Variants in KCNIP4 observed in about 807,000 individuals in gnomAD.
KCNIP4 encodes the protein potassium voltage-gated channel interacting protein 4, also known as Kv channel-interacting protein 4.
In KCNIP4, 12 loss-of-function variants were observed where a neutral mutation model predicts 34.0. That is an observed-to-expected ratio of 0.35 (90% CI 0.23 to 0.57). The LOEUF is 0.57. Ranked by LOEUF, KCNIP4 falls within the 20% of genes least tolerant of loss-of-function variation. The pLI is 0.83. For missense variants in KCNIP4, 238 were observed against 311.7 expected, an observed-to-expected ratio of 0.76 and a Z score of 1.78; for synonymous variants, 124 against 102.2, an observed-to-expected ratio of 1.21 and a Z score of -1.29.
intron 1 of KCNIP4, among the ~76,000 whole-genome samples, chr4:21,219,827 T>A (rs1757858945): frequency 6.6e-6 from 1 of 150,706 alleles, no homozygotes; most frequent in Non-Finnish European, 1.5e-5. Context: ...TGATTCCTTT[T>A]AAGAAAAAAA....
Position 20,750,865 on chromosome 4 carries a change from A to G in KCNIP4, c.359-1133T>C, listed in dbSNP as rs146175385. On this transcript the variant is annotated intron_variant, in intron 4 of 8. Coordinates refer to ENST00000382152, the MANE Select transcript of KCNIP4 (RefSeq NM_025221.6). ...TCTGTTTTAAATCTCATCTATTTCT[A>G]TTTTATAACTTTTAACCTTTATTGG... 2.3e-3 allele frequency among the ~76,000 whole-genome samples: 354 copies of G among 152,128 alleles called. 8 individuals carry two copies. In the South Asian group the frequency reaches 0.046, roughly 20 times the overall value.
rs1297422253 is a variant in KCNIP4 at position 21,456,694 on chromosome 4, G to C, written c.61+491877C>G. Among the ~76,000 whole-genome samples, 5 of 128,330 alleles carry C rather than the reference G, an allele frequency of 3.9e-5. 1 individual carries two copies. Among genetic ancestry groups the C allele is most frequent in the African/African-American group, 2.0e-4 (5 of 25,570 alleles). The allele number at this position is 128,330 out of a possible 152,430, so 84.2% of individuals were successfully genotyped here. A position where few individuals can be genotyped will look rare whatever the true frequency, so the allele number is the denominator to read the frequency against. On this transcript the variant is annotated intron_variant, in intron 1 of 8. Transcript: ENST00000382152. ...AGTAAGTCGCGTATTTGTGGGGTCA[G>C]CTAGCCTGATCCAGCCTTTACAGCT...
At chr4:20,814,983 C>T (rs1716202139) in intron 3 of KCNIP4, among the ~76,000 whole-genome samples, 1 of 151,996 alleles carries the variant, frequency 6.6e-6, no homozygotes, top group African/African-American at 2.4e-5. Context: ...AATAATTTAT[C>T]TCTCTCTCTC....
At chr4:20,732,841 T>C in intron 6 of KCNIP4, 56 bp from the exon 7 acceptor site, 1 of 1,051,744 alleles carries the variant, frequency 9.5e-7, no homozygotes, top group Non-Finnish European at 1.4e-6. Flanking sequence ...GAAACCAGTC[T>C]AAGAAGCTCT....
chr4:20,884,256 C>G (rs373283662), intron 1 of KCNIP4, among the ~76,000 whole-genome samples: 1 of 152,090 alleles, frequency 6.6e-6, no homozygotes, highest in Non-Finnish European at 1.5e-5. Context: ...ATGTGAAGAA[C>G]GTGCAGGTTT....
intron 2 of KCNIP4, among the ~76,000 whole-genome samples, chr4:20,865,294 A>G (rs965260406): frequency 6.6e-6 from 1 of 152,090 alleles, no homozygotes; most frequent in South Asian, 2.1e-4. Context: ...AAGAGTAATG[A>G]CAAAAGTCAG....
chr4:21,538,578 T>C (rs1692481392), intron 1 of KCNIP4, among the ~76,000 whole-genome samples: 1 of 152,190 alleles, frequency 6.6e-6, no homozygotes, highest in African/African-American at 2.4e-5. Flanking sequence ...AGCTAATGCA[T>C]ACATCATGGG....
At chr4:21,604,303 T>C (rs909942984) in intron 1 of KCNIP4, among the ~76,000 whole-genome samples, 8 of 152,294 alleles carry the variant, frequency 5.3e-5, no homozygotes, top group Non-Finnish European at 8.8e-5. Context: ...GTCTAAATCA[T>C]CCTACGTGTT....
At chr4:21,546,452 G>A (rs1211236335) in intron 1 of KCNIP4, among the ~76,000 whole-genome samples, 1 of 152,128 alleles carries the variant, frequency 6.6e-6, no homozygotes, top group African/African-American at 2.4e-5. Context: ...ACAGATAGAT[G>A]TAATTCGAAG....
intron 1 of KCNIP4, among the ~76,000 whole-genome samples, chr4:21,647,613 T>C (rs962153372): frequency 1.3e-5 from 2 of 152,122 alleles, no homozygotes; most frequent in Admixed American, 1.3e-4. Context: ...AAAAGAACAA[T>C]TAGCCAATTA....
chr4:21,291,378 G>A (rs1763448380), intron 1 of KCNIP4, among the ~76,000 whole-genome samples: 1 of 128,490 alleles, frequency 7.8e-6, no homozygotes, highest in Non-Finnish European at 1.7e-5. Context: ...AAATAGGTAT[G>A]TGTAGATGCA....
At chr4:21,603,589 G>A (rs1743387846) in intron 1 of KCNIP4, among the ~76,000 whole-genome samples, 1 of 152,108 alleles carries the variant, frequency 6.6e-6, no homozygotes, top group Non-Finnish European at 1.5e-5. Context: ...CAGGTACCTT[G>A]CCGGCTAAGC....
chr4:20,969,556 TTGTG>T (rs113668496), intron 1 of KCNIP4, among the ~76,000 whole-genome samples: 21 of 149,594 alleles, frequency 1.4e-4, no homozygotes, highest in East Asian at 3.9e-4. Context: ...GCGTGTGTGT[TTGTG>T]TGTGTGTGTG....
At chr4:21,104,627 T>G (rs1748313862) in intron 1 of KCNIP4, among the ~76,000 whole-genome samples, 1 of 152,134 alleles carries the variant, frequency 6.6e-6, no homozygotes, top group Non-Finnish European at 1.5e-5. Context: ...TTTTGGCTTT[T>G]GTTGCCATTA....
chr4:21,369,688 C>T (rs1437463130), intron 1 of KCNIP4, among the ~76,000 whole-genome samples: 1 of 147,160 alleles, frequency 6.8e-6, no homozygotes, highest in Non-Finnish European at 1.5e-5. Context: ...CTTACTATCT[C>T]ATTTAATTCC....
At position 20,730,073 on chromosome 4, in the gene KCNIP4, T is replaced by TTTGACAAGTTAAATCACATTTTCAA. The variant is rs1747601909; in HGVS notation, c.737_*8dup. ...ATTTGTCTGTTGGATTCAGGATCTA[T>TTTGACAAGTTAAATCACATTTTCAA]TTGACAAGTTAAATCACATTTTCAA... On this transcript the variant is annotated 3_prime_UTR_variant, in exon 9 of 9. Coordinates refer to ENST00000382152, the MANE Select transcript of KCNIP4 (RefSeq NM_025221.6). 6.2e-7 allele frequency: 1 copy of TTTGACAAGTTAAATCACATTTTCAA among 1,607,018 alleles called. No individual in the cohort carries two copies. Among genetic ancestry groups the TTTGACAAGTTAAATCACATTTTCAA allele is most frequent in the African/African-American group, 1.3e-5 (1 of 74,674 alleles).
At chr4:21,106,189 G>A (rs374058596) in intron 1 of KCNIP4, among the ~76,000 whole-genome samples, 6 of 150,650 alleles carry the variant, frequency 4.0e-5, no homozygotes, top group Middle Eastern at 3.4e-3. Context: ...TCCTCCTTGT[G>A]CCTCTGGTAG....
At position 21,694,921 on chromosome 4, in the gene KCNIP4, A is replaced by AT. The variant is rs1205288058; in HGVS notation, c.61+253649_61+253650insA. On this transcript the variant is annotated intron_variant, in intron 1 of 8. Transcript: ENST00000382152. ...TCAGATAACACGATTGACCAAAAAA[A>AT]AAAAAAAAATAAAAATAAATAAATA... 1.5e-3 allele frequency among the ~76,000 whole-genome samples: 144 copies of AT among 96,080 alleles called. 2 individuals are homozygous for AT. The highest frequency in any genetic ancestry group is 4.8e-3 in the African/African-American group (128 of 26,488). The allele number at this position is 96,080 out of a possible 152,430, so 63.0% of individuals were successfully genotyped here. A position where few individuals can be genotyped will look rare whatever the true frequency, so the allele number is the denominator to read the frequency against.
At chr4:21,326,382 T>C (rs1715049890) in intron 1 of KCNIP4, among the ~76,000 whole-genome samples, 1 of 151,796 alleles carries the variant, frequency 6.6e-6, no homozygotes, top group Non-Finnish European at 1.5e-5. Flanking sequence ...TTTTATAGTT[T>C]TTGTCTTGAA....
Sources: gnomAD v4.1 joint callset for allele counts (sites outside exome capture counted in the v4.1 genomes callset) on GRCh38, gnomAD v4.1.1 for gene constraint, MANE v1.5 for transcripts, NCBI Gene and HGNC (gene_info 2026-07-23, HGNC 2026-07-21) for gene names.